The following MAU2 variants were observed in gnomAD, a reference collection of about 807,000 sequenced individuals.
MAU2 encodes the protein MAU2 chromatid cohesion factor homolog.
MAU2 carries 9 observed loss-of-function variants against 89.1 expected under a neutral mutation model. The ratio of observed to expected loss-of-function variants is 0.10; its 90% CI spans 0.06 to 0.18. The LOEUF (loss-of-function observed/expected upper bound fraction) is 0.18, where lower values mean the gene tolerates loss of function less well. MAU2 is among the 10% of genes least tolerant of loss of function. MAU2 has a pLI of 1.00. For synonymous variants in MAU2, 357 were observed against 343.4 expected (o/e 1.04, Z -0.44); for missense variants, 425 against 803.5 (o/e 0.53, Z 5.69).
chr19:19,331,735 GTC>G (rs546477064), intron 1 of MAU2, among the ~76,000 whole-genome samples: 399 of 151,542 alleles, frequency 2.6e-3, no homozygotes, highest in Non-Finnish European at 4.2e-3. Flanking sequence ...GACCTTCCCT[GTC>G]TCTACAAAAA....
chr19:19,332,009 C>T (rs1013816457), intron 1 of MAU2, among the ~76,000 whole-genome samples: 1 of 152,262 alleles, frequency 6.6e-6, no homozygotes, highest in Admixed American at 6.5e-5. Context: ...TGGCCATTTG[C>T]ACTTACACAG....
chr19:19,351,694 T>C (rs1418887989), intron 16 of MAU2, among the ~76,000 whole-genome samples: 1 of 151,930 alleles, frequency 6.6e-6, no homozygotes, highest in African/African-American at 2.4e-5. Context: ...AAAAAAGTTA[T>C]TTTTCTAGAT....
At chr19:19,332,499 A>G (rs893837165) in intron 1 of MAU2, among the ~76,000 whole-genome samples, 8 of 152,126 alleles carry the variant, frequency 5.3e-5, no homozygotes, top group Non-Finnish European at 8.8e-5. Flanking sequence ...TAATTTCTCC[A>G]GTGCCTTAGA....
intron 9 of MAU2, 21 bp downstream of exon 9, chr19:19,342,887 G>A: frequency 1.2e-6 from 2 of 1,612,058 alleles, no homozygotes; most frequent in Non-Finnish European, 8.5e-7. Flanking sequence ...TGCTCGGCTG[G>A]CCACATGGCC....
chr19:19,331,325 C>T (rs777426070), intron 1 of MAU2, among the ~76,000 whole-genome samples: 20 of 151,870 alleles, frequency 1.3e-4, no homozygotes, highest in Admixed American at 1.1e-3. Flanking sequence ...TGGTGAAACC[C>T]GATTTCTACT....
intron 1 of MAU2, among the ~76,000 whole-genome samples, chr19:19,322,812 C>A (rs974287368): frequency 1.3e-5 from 2 of 152,162 alleles, no homozygotes; most frequent in Non-Finnish European, 2.9e-5. Flanking sequence ...CAGCTAGTAA[C>A]AACTTGCCTT....
intron 1 of MAU2, among the ~76,000 whole-genome samples, chr19:19,328,429 T>TA (rs1021871412): frequency 6.6e-6 from 1 of 151,758 alleles, no homozygotes; most frequent in East Asian, 1.9e-4. Flanking sequence ...TTAACTTTTT[T>TA]TTTTTTTTTT....
At chr19:19,344,241 G>A (rs1363422405) in intron 10 of MAU2, 3 of 345,618 alleles carry the variant, frequency 8.7e-6, no homozygotes, top group East Asian at 7.2e-5. Flanking sequence ...GCGAAACCCC[G>A]CCTCTACTAA....
rs755960507 is a variant in MAU2 at position 19,348,933 on chromosome 19, T to G, written c.1353T>G (p.Pro451=). ...GGATCAACCCGGACCACAGCTTCCC[T>G]GTCAGGTGAGCCGCTCCAGGCACCA... is the stretch of plus-strand genomic sequence containing the variant. ...LERINPDHSF[P]VSSHCLRAAA... Residue 451 remains proline, a synonymous_variant, in exon 14 of 19, where the codon CCT becomes CCG. Transcript: ENST00000262815. 1 of 1,613,636 alleles carries G rather than the reference T, an allele frequency of 6.2e-7. No individual in the cohort carries two copies. The highest frequency in any genetic ancestry group is 1.1e-5 in the South Asian group (1 of 91,072).
chr19:19,327,862 G>A (rs934977022), intron 1 of MAU2, among the ~76,000 whole-genome samples: 1 of 152,076 alleles, frequency 6.6e-6, no homozygotes, highest in Non-Finnish European at 1.5e-5. Context: ...TTTTGGCAGT[G>A]ATGTGGGTGT....
chr19:19,344,413 A>G (rs1404537092), intron 10 of MAU2: 1 of 212,572 alleles, frequency 4.7e-6, no homozygotes, highest in African/African-American at 2.3e-5. Context: ...CTCCATCTCA[A>G]AAAAAAAAAC....
rs986022402 is a variant in MAU2, at chr19:19,356,542, C to T, written c.*760C>T. The T allele has an allele frequency of 1.2e-5, 2 of 160,316 alleles. No individual in the cohort carries two copies. Among genetic ancestry groups the T allele is most frequent in the African/African-American group, 2.4e-5 (1 of 41,514 alleles). 9.9% of individuals were successfully genotyped at this position (160,316 alleles called of 1,614,324 possible). On this transcript the variant is annotated 3_prime_UTR_variant, in exon 19 of 19. Transcript: ENST00000262815. ...CTGAGGCTCCTGTTGCACCAGCCAC[C>T]TTCCCCCATCTTGTGGCTGCTGAGG... is the stretch of plus-strand genomic sequence containing the variant.
At chr19:19,330,774 A>AC (rs1404384280) in intron 1 of MAU2, among the ~76,000 whole-genome samples, 1 of 151,392 alleles carries the variant, frequency 6.6e-6, no homozygotes, top group African/African-American at 2.4e-5. Flanking sequence ...GGTGAGATGC[A>AC]CCTGTAGTCC....
chr19:19,346,364 C>T (rs767844476), intron 12 of MAU2, among the ~76,000 whole-genome samples: 18 of 152,066 alleles, frequency 1.2e-4, no homozygotes, highest in Middle Eastern at 3.2e-3. Context: ...GGTTTGGTTC[C>T]GCGTCAAAGT....
intron 1 of MAU2, among the ~76,000 whole-genome samples, chr19:19,324,817 T>C (rs1160303309): frequency 6.6e-6 from 1 of 152,238 alleles, no homozygotes; most frequent in Non-Finnish European, 1.5e-5. Flanking sequence ...TTCCAGCTTT[T>C]AGTTAAAGTA....
intron 1 of MAU2, among the ~76,000 whole-genome samples, chr19:19,326,127 A>G (rs2061502539): frequency 6.6e-6 from 1 of 151,472 alleles, no homozygotes; most frequent in South Asian, 2.1e-4. Flanking sequence ...CAGCCTCCTG[A>G]GTAGCTGGGA....
chr19:19,335,868 TC>T, intron 2 of MAU2, 133 bp downstream of exon 2: 2 of 1,046,888 alleles, frequency 1.9e-6, no homozygotes, highest in Non-Finnish European at 1.5e-6. Flanking sequence ...ACCTGGAGTG[TC>T]CCCCACCTGG....
chr19:19,330,364 G>A (rs2045029015), intron 1 of MAU2, among the ~76,000 whole-genome samples: 1 of 152,026 alleles, frequency 6.6e-6, no homozygotes, highest in Non-Finnish European at 1.5e-5. Flanking sequence ...GGAGGCTGAG[G>A]TGGTAGTATC....
chr19:19,326,415 G>A (rs1197157421), intron 1 of MAU2, among the ~76,000 whole-genome samples: 4 of 151,690 alleles, frequency 2.6e-5, no homozygotes, highest in Admixed American at 6.6e-5. Flanking sequence ...AGCCGGGCGC[G>A]GTGGCTCACG....
Sources: allele counts gnomAD v4.1 joint callset (sites outside exome capture counted in the v4.1 genomes callset), GRCh38; gene constraint gnomAD v4.1.1; transcripts MANE v1.5; gene names NCBI Gene and HGNC (gene_info 2026-07-23, HGNC 2026-07-21).